NUMB: variants seen among roughly 807,000 people sequenced by gnomAD.
The protein encoded by NUMB is protein numb homolog.
Under a neutral mutation model 59.7 loss-of-function variants are expected in NUMB, and 29 were observed. The ratio of observed to expected loss-of-function variants is 0.49; its 90% CI spans 0.36 to 0.66. The LOEUF (loss-of-function observed/expected upper bound fraction) is 0.66, where lower values mean the gene tolerates loss of function less well. Ranked by LOEUF, NUMB falls within the 30% of genes least tolerant of loss-of-function variation. The probability of loss-of-function intolerance (pLI) is 0.00; values close to 1 mark genes in which losing one functional copy is unlikely to be tolerated. For missense variants in NUMB, 723 were observed against 822.0 expected (o/e 0.88, Z 1.47); for synonymous variants, 288 against 288.2 (o/e 1.00, Z 0.01).
chr14:73,277,289 G>C lies in NUMB; in HGVS notation c.1245C>G (p.Thr415=). ...NKEIAATCSG[T]EWGQSSGAAS... is the part of the protein sequence containing the mutation. The stretch of plus-strand genomic sequence containing the variant: ...CAGCACCAGAAGATTGACCCCACTC[G>C]GTCCCTGGAACCAACAAGATGAGAG... The change falls in exon 13 of 13, where the codon ACC becomes ACG. Residue 415 remains threonine (T), a synonymous_variant. Transcript: ENST00000555238. 1 of 1,594,950 alleles carries C rather than the reference G, an allele frequency of 6.3e-7. No individual in the cohort carries two copies. Among genetic ancestry groups the C allele is most frequent in the South Asian group, 1.1e-5 (1 of 90,004 alleles).
At chr14:73,316,311 T>C in intron 6 of NUMB, 79 bp downstream of exon 6, 1 of 1,195,584 alleles carries the variant, frequency 8.4e-7, no homozygotes, top group Non-Finnish European at 1.2e-6. Flanking sequence ...AAAGCTGTAC[T>C]AGTTTTAAAA....
intron 6 of NUMB, chr14:73,299,476 C>G (rs921074686): frequency 6.6e-6 from 1 of 151,684 alleles, no homozygotes; most frequent in African/African-American, 2.4e-5. Flanking sequence ...AGGTATCAGA[C>G]TTGCCAGCCT....
At chr14:73,306,075 G>A (rs1163018911) in intron 6 of NUMB, among the ~76,000 whole-genome samples, 1 of 152,188 alleles carries the variant, frequency 6.6e-6, no homozygotes. Context: ...GAACAAAGCA[G>A]TGAAAGGACA....
chr14:73,277,760 C>CT (rs1009546329), intron 12 of NUMB, among the ~76,000 whole-genome samples: 21 of 122,584 alleles, frequency 1.7e-4, no homozygotes, highest in African/African-American at 7.4e-4. Flanking sequence ...AGAATTCTGT[C>CT]TTAAAAAAAA....
intron 7 of NUMB, among the ~76,000 whole-genome samples, chr14:73,294,330 C>T (rs778000466): frequency 2.6e-5 from 4 of 152,066 alleles, no homozygotes; most frequent in East Asian, 3.9e-4. Context: ...CTCAGCCTCC[C>T]GAGGAGCTAG....
intron 2 of NUMB, among the ~76,000 whole-genome samples, chr14:73,403,706 A>C (rs1457608955): frequency 1.3e-5 from 2 of 152,166 alleles, no homozygotes; most frequent in Non-Finnish European, 2.9e-5. Flanking sequence ...CTGTAATCCC[A>C]GCACTTTGGG....
intron 6 of NUMB, among the ~76,000 whole-genome samples, chr14:73,311,527 T>C (rs17126725): frequency 0.064 from 9,818 of 152,220 alleles, 786 homozygotes; most frequent in African/African-American, 0.18. Flanking sequence ...CAGCTGGTGA[T>C]GCAACAATAG....
intron 11 of NUMB, among the ~76,000 whole-genome samples, chr14:73,279,737 G>A (rs574502833): frequency 1.3e-5 from 2 of 152,340 alleles, no homozygotes; most frequent in East Asian, 1.9e-4. Flanking sequence ...GAGCTGCTGC[G>A]TCTTAGGAGC....
intron 6 of NUMB, among the ~76,000 whole-genome samples, chr14:73,316,086 G>T (rs907056632): frequency 1.3e-5 from 2 of 152,114 alleles, no homozygotes; most frequent in South Asian, 4.1e-4. Flanking sequence ...ATGTTGGCCA[G>T]GCTGGTCTCG....
At chr14:73,405,926 AG>A (rs1419258484) in intron 2 of NUMB, among the ~76,000 whole-genome samples, 1 of 151,992 alleles carries the variant, frequency 6.6e-6, no homozygotes, top group African/African-American at 2.4e-5. Flanking sequence ...TGAGATAATG[AG>A]TAGACCTACA....
chr14:73,304,120 C>T (rs987882125), intron 6 of NUMB, among the ~76,000 whole-genome samples: 3 of 151,844 alleles, frequency 2.0e-5, no homozygotes, highest in South Asian at 2.1e-4. Flanking sequence ...AATCTTAACA[C>T]GAAAAAAATT....
chr14:73,406,899 G>A (rs985273968), intron 2 of NUMB, among the ~76,000 whole-genome samples: 12 of 152,148 alleles, frequency 7.9e-5, no homozygotes, highest in African/African-American at 2.4e-4. Flanking sequence ...CTTCTTTTGA[G>A]AAGTGTCTGT....
At chr14:73,292,112 T>G (rs748419786) in intron 8 of NUMB, among the ~76,000 whole-genome samples, 1 of 152,146 alleles carries the variant, frequency 6.6e-6, no homozygotes, top group African/African-American at 2.4e-5. Context: ...GATGACTCAC[T>G]GTAGCCTCCA....
chr14:73,456,950 T>G (rs951765807), intron 1 of NUMB, among the ~76,000 whole-genome samples: 3 of 152,310 alleles, frequency 2.0e-5, no homozygotes, highest in East Asian at 3.9e-4. Context: ...TACCTTCTAT[T>G]TAAGAAGTCA....
chr14:73,397,372 C>T (rs1048114156), intron 2 of NUMB, among the ~76,000 whole-genome samples: 2 of 152,106 alleles, frequency 1.3e-5, no homozygotes, highest in Admixed American at 1.3e-4. Context: ...CAGTGGTGTA[C>T]TGATAAGCCA....
At chr14:73,394,405 TAAAAAAA>T (rs74677402) in intron 2 of NUMB, among the ~76,000 whole-genome samples, 1 of 137,422 alleles carries the variant, frequency 7.3e-6, no homozygotes, top group African/African-American at 2.7e-5. Flanking sequence ...CAGTTTTCTT[TAAAAAAA>T]AAAAAAAAAA....
intron 5 of NUMB, among the ~76,000 whole-genome samples, chr14:73,321,974 A>G (rs1418612993): frequency 6.6e-6 from 1 of 152,122 alleles, no homozygotes; most frequent in Non-Finnish European, 1.5e-5. Flanking sequence ...TTTTCTCTAA[A>G]TTTTATATAT....
chr14:73,281,294 G>A (rs954905441), intron 11 of NUMB: 6 of 151,916 alleles, frequency 3.9e-5, no homozygotes, highest in Admixed American at 2.6e-4. Flanking sequence ...TTGTTGTGGG[G>A]ATTAAATGAA....
At chr14:73,278,812 C>CT (rs1454931412) in intron 12 of NUMB, among the ~76,000 whole-genome samples, 1 of 140,676 alleles carries the variant, frequency 7.1e-6, no homozygotes, top group Admixed American at 7.7e-5. Context: ...ACGGCAAACT[C>CT]TGTCTCCCAG....
Sources: allele counts gnomAD v4.1 joint callset (sites outside exome capture counted in the v4.1 genomes callset), GRCh38; gene constraint gnomAD v4.1.1; transcripts MANE v1.5; gene names NCBI Gene and HGNC (gene_info 2026-07-23, HGNC 2026-07-21).